The following ARHGAP15 variants were observed in gnomAD, a reference collection of about 807,000 sequenced individuals.
ARHGAP15 encodes the protein Rho GTPase activating protein 15, also known as rho GTPase-activating protein 15.
In ARHGAP15, 51 loss-of-function variants were observed where a neutral mutation model predicts 63.7. The observed-to-expected ratio is 0.80, with a 90% confidence interval of 0.64 to 1.01. ARHGAP15 has a LOEUF of 1.01. Among genes scored for constraint, ARHGAP15 ranks in the 50% least tolerant of loss-of-function variants. ARHGAP15 has a pLI of 0.00. For missense variants in ARHGAP15, 560 were observed against 564.6 expected, an observed-to-expected ratio of 0.99 and a Z score of 0.08; for synonymous variants, 191 against 193.8, an observed-to-expected ratio of 0.99 and a Z score of 0.12.
intron 3 of ARHGAP15, among the ~76,000 whole-genome samples, chr2:143,208,366 G>T (rs1233007042): frequency 1.3e-5 from 2 of 152,148 alleles, no homozygotes; most frequent in South Asian, 4.1e-4. Context: ...TGCTCTCATA[G>T]AGGCTAACAC....
At position 143,343,981 on chromosome 2, in the gene ARHGAP15, T is replaced by C. The variant is rs140561842; in HGVS notation, c.475-91620T>C. 41 of 152,268 alleles carry C rather than the reference T, an allele frequency of 2.7e-4. 1 individual carries two copies. In the East Asian group the frequency reaches 6.4e-3, roughly 24 times the overall value. 9.4% of individuals were successfully genotyped at this position (152,268 alleles called of 1,614,324 possible). ...TTAGCTATGTACTTCTTATTCATTA[T>C]GGAAAGTAGTTAATGCAAATTTAAA... On this transcript the variant is annotated intron_variant, in intron 6 of 13. Transcript: ENST00000295095.
At chr2:143,692,421 C>T (rs1683650812) in intron 12 of ARHGAP15, among the ~76,000 whole-genome samples, 1 of 152,130 alleles carries the variant, frequency 6.6e-6, no homozygotes, top group Non-Finnish European at 1.5e-5. Context: ...ACAATTCACC[C>T]AGTTCCCCAG....
chr2:143,644,230 G>A (rs2105281338), intron 12 of ARHGAP15, among the ~76,000 whole-genome samples: 1 of 152,174 alleles, frequency 6.6e-6, no homozygotes, highest in Non-Finnish European at 1.5e-5. Context: ...TGATCTAATG[G>A]TAATAGACTG....
At chr2:143,595,354 A>C (rs372994617) in intron 11 of ARHGAP15, among the ~76,000 whole-genome samples, 4 of 152,086 alleles carry the variant, frequency 2.6e-5, no homozygotes, top group Admixed American at 2.6e-4. Context: ...GGTTGACTGG[A>C]TCCAAAATGC....
chr2:143,463,030 G>GC (rs1373019267), intron 8 of ARHGAP15, among the ~76,000 whole-genome samples: 2 of 152,102 alleles, frequency 1.3e-5, no homozygotes. Context: ...TTTGAATGCA[G>GC]CCCAACACAA....
intron 6 of ARHGAP15, among the ~76,000 whole-genome samples, chr2:143,264,606 G>A (rs1278529686): frequency 1.3e-5 from 2 of 151,860 alleles, no homozygotes; most frequent in African/African-American, 2.4e-5. Flanking sequence ...GACAGTCCCG[G>A]GCTTGTGGTC....
At chr2:143,762,197 A>C (rs1686784943) in intron 13 of ARHGAP15, among the ~76,000 whole-genome samples, 1 of 152,168 alleles carries the variant, frequency 6.6e-6, no homozygotes, top group Non-Finnish European at 1.5e-5. Flanking sequence ...ATGATGAGTC[A>C]ACATACATCA....
chr2:143,396,508 A>G (rs954465068), intron 6 of ARHGAP15, among the ~76,000 whole-genome samples: 2 of 152,074 alleles, frequency 1.3e-5, no homozygotes, highest in Non-Finnish European at 2.9e-5. Context: ...TAATGATGCT[A>G]TGACAGACCA....
At chr2:143,451,626 C>T (rs998546598) in intron 8 of ARHGAP15, among the ~76,000 whole-genome samples, 1 of 151,736 alleles carries the variant, frequency 6.6e-6, no homozygotes, top group Non-Finnish European at 1.5e-5. Flanking sequence ...CATTTATAAG[C>T]TCAAATTTTA....
chr2:143,421,705 T>C (rs1688924711), intron 6 of ARHGAP15, among the ~76,000 whole-genome samples: 1 of 151,464 alleles, frequency 6.6e-6, no homozygotes, highest in Non-Finnish European at 1.5e-5. Context: ...TATTATTAAA[T>C]AAAACTTTTG....
At chr2:143,304,374 T>G (rs1683070113) in intron 6 of ARHGAP15, among the ~76,000 whole-genome samples, 1 of 151,924 alleles carries the variant, frequency 6.6e-6, no homozygotes, top group Non-Finnish European at 1.5e-5. Flanking sequence ...AAACACCGCA[T>G]ATTCTCACAC....
In ARHGAP15 at chr2:143,740,567, TG is replaced by T. The variant is rs559181579; in HGVS notation, c.1245-27421del. On this transcript the variant is annotated intron_variant, in intron 13 of 13. Coordinates refer to ENST00000295095, the MANE Select transcript of ARHGAP15 (RefSeq NM_018460.4). Reference sequence around the variant, plus strand: ...AGAAGCAATATTCTCACCAGGCTGTTGATACTGTTTGAGAAATTTACATCAA... The same window carrying T: ...AGAAGCAATATTCTCACCAGGCTGTTATACTGTTTGAGAAATTTACATCAA... Among the ~76,000 whole-genome samples the T allele has an allele frequency of 6.6e-4, 101 of 152,364 alleles. 3 individuals carry two copies. The South Asian group carries it at 0.021, about 31-fold the overall frequency.
At chr2:143,726,324 G>T (rs540786320) in intron 13 of ARHGAP15, among the ~76,000 whole-genome samples, 1 of 151,988 alleles carries the variant, frequency 6.6e-6, no homozygotes, top group Admixed American at 6.6e-5. Flanking sequence ...CTACTTTAAG[G>T]CATTTGCCAA....
At chr2:143,258,073 A>G (rs555204009) in intron 6 of ARHGAP15, among the ~76,000 whole-genome samples, 1 of 152,172 alleles carries the variant, frequency 6.6e-6, no homozygotes, top group African/African-American at 2.4e-5. Context: ...CTGGTACATA[A>G]TAGATGGGGC....
At chr2:143,670,206 C>A (rs780522839) in intron 12 of ARHGAP15, among the ~76,000 whole-genome samples, 1 of 152,202 alleles carries the variant, frequency 6.6e-6, no homozygotes, top group African/African-American at 2.4e-5. Context: ...CTCCCAACCA[C>A]ATTTCAGCCA....
At chr2:143,255,939 C>T (rs1419600424) in intron 6 of ARHGAP15, among the ~76,000 whole-genome samples, 1 of 152,116 alleles carries the variant, frequency 6.6e-6, no homozygotes, top group African/African-American at 2.4e-5. Context: ...TTTCATCTAC[C>T]TATTAGATAT....
At chr2:143,467,957 G>T (rs1052412438) in intron 8 of ARHGAP15, among the ~76,000 whole-genome samples, 2 of 151,898 alleles carry the variant, frequency 1.3e-5, no homozygotes, top group African/African-American at 2.4e-5. Flanking sequence ...CTTTATTGTT[G>T]TAAATACCTA....
At chr2:143,588,565 G>A (rs769921235) in intron 11 of ARHGAP15, among the ~76,000 whole-genome samples, 11 of 152,056 alleles carry the variant, frequency 7.2e-5, no homozygotes, top group East Asian at 1.9e-4. Context: ...TCCCACTTAC[G>A]AGTAAGAACA....
intron 13 of ARHGAP15, among the ~76,000 whole-genome samples, chr2:143,757,650 T>A (rs1226779367): frequency 2.6e-5 from 4 of 152,120 alleles, no homozygotes; most frequent in Non-Finnish European, 4.4e-5. Flanking sequence ...GAGTGGTGGT[T>A]TATTCAACAA....
Sources: gnomAD v4.1 joint callset for allele counts (sites outside exome capture counted in the v4.1 genomes callset) on GRCh38, gnomAD v4.1.1 for gene constraint, MANE v1.5 for transcripts, NCBI Gene and HGNC (gene_info 2026-07-23, HGNC 2026-07-21) for gene names.